TRPM3: variants seen among roughly 807,000 people sequenced by gnomAD.
TRPM3 encodes the protein long transient receptor potential channel 3.
Under a neutral mutation model 181.2 loss-of-function variants are expected in TRPM3, and 77 were observed. That is an observed-to-expected ratio of 0.42 (90% CI 0.35 to 0.51). The LOEUF (loss-of-function observed/expected upper bound fraction) is 0.51, where lower values mean the gene tolerates loss of function less well. Ranked by LOEUF, TRPM3 falls within the 20% of genes least tolerant of loss-of-function variation. The probability of loss-of-function intolerance (pLI) is 0.01; values close to 1 mark genes in which losing one functional copy is unlikely to be tolerated. For synonymous variants in TRPM3, 745 were observed against 796.4 expected, an observed-to-expected ratio of 0.94 and a Z score of 1.09; for missense variants, 1,759 against 2,196.7, an observed-to-expected ratio of 0.80 and a Z score of 3.98.
chr9:71,200,180 G>A (rs11526407), intron 1 of TRPM3, among the ~76,000 whole-genome samples: 7 of 152,058 alleles, frequency 4.6e-5, no homozygotes, highest in Non-Finnish European at 7.4e-5. Context: ...TAGTTGAGTG[G>A]TTTTGAGTGA....
intron 1 of TRPM3, among the ~76,000 whole-genome samples, chr9:70,898,762 A>AAAAG (rs1554764724): frequency 2.9e-4 from 42 of 143,114 alleles, no homozygotes; most frequent in East Asian, 1.1e-3. Context: ...AAAAAAAAAA[A>AAAAG]AAAAGAAAAG....
chr9:70,641,013 C>T (rs188046853), intron 9 of TRPM3, among the ~76,000 whole-genome samples: 44 of 152,234 alleles, frequency 2.9e-4, no homozygotes, highest in Admixed American at 7.8e-4. Context: ...ATTAATAGCA[C>T]GCCTTGACTG....
chr9:70,925,350 T>C (rs933293174), intron 1 of TRPM3, among the ~76,000 whole-genome samples: 1 of 152,102 alleles, frequency 6.6e-6, no homozygotes, highest in African/African-American at 2.4e-5. Context: ...ATCACCACCC[T>C]ACCGCAATGA....
At chr9:71,378,140 A>C in intron 1 of TRPM3, among the ~76,000 whole-genome samples, 1 of 152,136 alleles carries the variant, frequency 6.6e-6, no homozygotes, top group Non-Finnish European at 1.5e-5. Flanking sequence ...CCTACAGAAA[A>C]ATAAAGAAAA....
At chr9:70,783,355 A>AC (rs2082880644) in intron 7 of TRPM3, among the ~76,000 whole-genome samples, 1 of 152,010 alleles carries the variant, frequency 6.6e-6, no homozygotes, top group African/African-American at 2.4e-5. Flanking sequence ...CCTGGGTTTT[A>AC]CCCCCTCAAT....
In TRPM3 at chr9:70,864,469, A is replaced by C. The variant is rs1564631620; in HGVS notation, c.220T>G (p.Cys74Gly). 1 of 1,475,376 alleles carries C rather than the reference A, an allele frequency of 6.8e-7. No individual in the cohort carries two copies. The highest frequency in any genetic ancestry group is 8.9e-7 in the Non-Finnish European group (1 of 1,119,838). 91.4% of individuals were successfully genotyped at this position (1,475,376 alleles called of 1,614,324 possible). The change falls in exon 2 of 26, where the codon TGT becomes GGT. Residue 74 changes from cysteine (C) to glycine (G), a missense_variant. By Grantham distance (159) the Cys-to-Gly change is radical. This residue lies in a region of TRPM3 where 737 missense variants were observed against 957.4 expected (regional missense o/e 0.77). Coordinates refer to ENST00000677713, the MANE Select transcript of TRPM3 (RefSeq NM_001366145.2). ...WIERAFYKRE[C>G]VHIIPSTKDP... Reference sequence around the variant, plus strand: ...TTGGTGCTGGGTATGATGTGGACACATTCTCTTTTATAAAATGCTCTTTCT... The same window carrying C: ...TTGGTGCTGGGTATGATGTGGACACCTTCTCTTTTATAAAATGCTCTTTCT...
At chr9:71,271,790 G>A (rs2083813972) in intron 1 of TRPM3, among the ~76,000 whole-genome samples, 1 of 152,138 alleles carries the variant, frequency 6.6e-6, no homozygotes, top group Admixed American at 6.6e-5. Flanking sequence ...ACATGGAGCT[G>A]AGCCATTTTC....
At chr9:70,908,294 T>G (rs1470502295) in intron 1 of TRPM3, among the ~76,000 whole-genome samples, 1 of 152,184 alleles carries the variant, frequency 6.6e-6, no homozygotes, top group African/African-American at 2.4e-5. Context: ...CTACAGATAA[T>G]GAGAATCAAC....
intron 1 of TRPM3, among the ~76,000 whole-genome samples, chr9:71,380,359 T>G (rs371270229): frequency 6.6e-5 from 10 of 152,050 alleles, no homozygotes; most frequent in African/African-American, 2.2e-4. Flanking sequence ...TGCGAGGAAG[T>G]ATGCATGCTT....
At chr9:70,860,604 TG>T (rs1423399290) in intron 3 of TRPM3, among the ~76,000 whole-genome samples, 1 of 152,176 alleles carries the variant, frequency 6.6e-6, no homozygotes, top group Non-Finnish European at 1.5e-5. Flanking sequence ...TCAGATGCTG[TG>T]GTCAACCAGT....
chr9:71,268,738 C>CT (rs1403780413), intron 1 of TRPM3, among the ~76,000 whole-genome samples: 3 of 152,148 alleles, frequency 2.0e-5, no homozygotes, highest in African/African-American at 4.8e-5. Context: ...GGGAGAATCA[C>CT]TTGAACCCAG....
chr9:70,598,019 T>C (rs537122229), intron 21 of TRPM3, among the ~76,000 whole-genome samples: 1 of 152,216 alleles, frequency 6.6e-6, no homozygotes, highest in East Asian at 1.9e-4. Flanking sequence ...TTCTGACCTA[T>C]ATTATCTTTT....
intron 22 of TRPM3, among the ~76,000 whole-genome samples, chr9:70,572,148 T>C (rs1232857173): frequency 6.8e-6 from 1 of 146,702 alleles, no homozygotes; most frequent in Non-Finnish European, 1.5e-5. Flanking sequence ...GTTTCCCACA[T>C]GATGGTGATT....
chr9:70,921,767 A>C (rs1426276184), intron 1 of TRPM3, among the ~76,000 whole-genome samples: 1 of 152,074 alleles, frequency 6.6e-6, no homozygotes, highest in Non-Finnish European at 1.5e-5. Flanking sequence ...CATGTCACGG[A>C]TTGCTATATA....
At chr9:71,310,377 T>C (rs2087804113) in intron 1 of TRPM3, among the ~76,000 whole-genome samples, 2 of 152,110 alleles carry the variant, frequency 1.3e-5, no homozygotes, top group Admixed American at 6.6e-5. Context: ...TGTGTTATAG[T>C]AACCTTAAAA....
chr9:71,354,957 C>T (rs770339446), intron 1 of TRPM3, among the ~76,000 whole-genome samples: 9 of 152,172 alleles, frequency 5.9e-5, no homozygotes, highest in Non-Finnish European at 1.0e-4. Flanking sequence ...ATTCTTAACA[C>T]GTAAATTATT....
rs769367072 is a variant in TRPM3, at chr9:70,766,431, G to A, written c.1149-4707C>T. ...TTAGGTTAATGACTTTCAAGGAAGA[G>A]CCCTTCCTGTGACCCCCATAGATAT... On this transcript the variant is annotated intron_variant, in intron 7 of 25. Transcript: ENST00000677713. Among the ~76,000 whole-genome samples, 47 of 152,064 alleles carry A rather than the reference G, an allele frequency of 3.1e-4. 2 individuals carry two copies. Among genetic ancestry groups the A allele is most frequent in the Admixed American group, 2.8e-3 (43 of 15,244 alleles).
At chr9:70,686,686 T>TTTCCTTCCTTCCTTCTTTCC (rs1214535316) in intron 8 of TRPM3, among the ~76,000 whole-genome samples, 17 of 58,862 alleles carry the variant, frequency 2.9e-4, no homozygotes, top group African/African-American at 1.0e-3. Context: ...TCCTTCCTTC[T>TTTCCTTCCTTCCTTCTTTCC]TTCCTTCCTT....
intron 1 of TRPM3, among the ~76,000 whole-genome samples, chr9:71,265,705 G>A (rs890433533): frequency 1.3e-5 from 2 of 152,162 alleles, no homozygotes; most frequent in East Asian, 1.9e-4. Flanking sequence ...TAAGTGTTGA[G>A]CAGCAAGGGA....
Sources: gnomAD v4.1 joint callset for allele counts (sites outside exome capture counted in the v4.1 genomes callset) on GRCh38, gnomAD v4.1.1 for gene constraint, gnomAD v4.1.1 regional missense constraint, MANE v1.5 for transcripts, NCBI Gene and HGNC (gene_info 2026-07-23, HGNC 2026-07-21) for gene names.